Variants in RNF17 observed in about 807,000 individuals in gnomAD.
The protein encoded by RNF17 is spermatogenesis associated 23.
RNF17 carries 31 observed loss-of-function variants against 200.5 expected under a neutral mutation model. That is an observed-to-expected ratio of 0.15 (90% CI 0.12 to 0.21). RNF17 has a LOEUF of 0.21. RNF17 is among the 10% of genes least tolerant of loss of function. The pLI, the probability that RNF17 is intolerant of heterozygous loss-of-function variation, is 1.00. For synonymous variants in RNF17, 606 were observed against 637.8 expected, an observed-to-expected ratio of 0.95 and a Z score of 0.75; for missense variants, 1,628 against 1,905.1, an observed-to-expected ratio of 0.85 and a Z score of 2.71.
chr13:24,786,910 C>T (rs1342870551), intron 6 of RNF17, among the ~76,000 whole-genome samples: 1 of 152,064 alleles, frequency 6.6e-6, no homozygotes, highest in East Asian at 1.9e-4. Context: ...ATTTCTGTCT[C>T]TTTGTCTCTC....
chr13:24,878,304 A>C (rs1332696369), intron 34 of RNF17, among the ~76,000 whole-genome samples: 1 of 152,238 alleles, frequency 6.6e-6, no homozygotes, highest in Non-Finnish European at 1.5e-5. Context: ...CTCTCAACCC[A>C]GTGAAAAAAG....
intron 15 of RNF17, among the ~76,000 whole-genome samples, chr13:24,820,456 G>A (rs976022078): frequency 6.7e-6 from 1 of 149,972 alleles, no homozygotes; most frequent in African/African-American, 2.4e-5. Context: ...TTATTTTTGA[G>A]ATGGAGTTTT....
chr13:24,796,009 G>A (rs188157516), intron 10 of RNF17, 128 bp from the exon 11 acceptor site: 167 of 543,192 alleles, frequency 3.1e-4, no homozygotes, highest in African/African-American at 2.7e-3. Context: ...TCCTGGGGCC[G>A]ACGTGCGATA....
At chr13:24,852,653 TGTGGC>T (rs1197683439) in intron 24 of RNF17, among the ~76,000 whole-genome samples, 1 of 152,176 alleles carries the variant, frequency 6.6e-6, no homozygotes, top group Non-Finnish European at 1.5e-5. Flanking sequence ...ATATGGGAGA[TGTGGC>T]CTGGATTGCC....
intron 30 of RNF17, 47 bp from the exon 31 acceptor site, chr13:24,868,553 G>A (rs201049815): frequency 1.2e-6 from 1 of 835,834 alleles, no homozygotes; most frequent in East Asian, 3.3e-5. Context: ...TAATGTAATA[G>A]ATTTTTGTCC....
rs781056885 is a variant in RNF17, at chr13:24,870,774, T to A, written c.4447+35T>A. On this transcript the variant is annotated intron_variant, in intron 32 of 35. Transcript: ENST00000255324. ...CTATATTTGAATGAAACAGGATACT[T>A]AATAAAACTTGGATTTTGTTTCAAT... 14 of 1,578,656 alleles carry A rather than the reference T, an allele frequency of 8.9e-6. No individual in the cohort carries two copies. The African/African-American group carries it at 1.8e-4, about 20-fold the overall frequency.
chr13:24,845,240 C>T (rs1891129628), intron 22 of RNF17, among the ~76,000 whole-genome samples, 161 bp downstream of exon 22: 1 of 151,952 alleles, frequency 6.6e-6, no homozygotes, highest in Non-Finnish European at 1.5e-5. Context: ...AATTTAGTGG[C>T]ATTAAGAAAT....
intron 15 of RNF17, among the ~76,000 whole-genome samples, chr13:24,811,588 T>C (rs1191227761): frequency 6.6e-6 from 1 of 152,164 alleles, no homozygotes; most frequent in African/African-American, 2.4e-5. Flanking sequence ...TTGGTTTGAA[T>C]GTCCTCCCGT....
chr13:24,880,952 G>A (rs1216591607), downstream of RNF17, among the ~76,000 whole-genome samples: 1 of 152,082 alleles, frequency 6.6e-6, no homozygotes, highest in Non-Finnish European at 1.5e-5. Flanking sequence ...TTATTAGCTA[G>A]TGACCATTCC....
intron 16 of RNF17, among the ~76,000 whole-genome samples, chr13:24,827,977 C>T (rs1036167630): frequency 1.3e-5 from 2 of 152,068 alleles, no homozygotes; most frequent in African/African-American, 4.8e-5. Context: ...AATCACCTCC[C>T]AAGTACTGCT....
rs537291665 is a variant in RNF17, at chr13:24,854,119, T to C, written c.3585T>C (p.Thr1195=). The C allele has an allele frequency of 1.2e-6, 2 of 1,613,560 alleles. No homozygotes were observed. The highest frequency in any genetic ancestry group is 3.3e-5 in the Admixed American group (2 of 59,982). The change falls in exon 25 of 36, where the codon ACT becomes ACC. Residue 1195 remains threonine (T), a synonymous_variant. Coordinates refer to ENST00000255324, the MANE Select transcript of RNF17 (RefSeq NM_031277.3). Reference sequence around the variant, plus strand: ...TCAGCTGTGTTGGTGATGATGGAACTATATTTGTAGTACCTAAACTATCAG... The same window carrying C: ...TCAGCTGTGTTGGTGATGATGGAACCATATTTGTAGTACCTAAACTATCAG... The part of the protein sequence containing the change: ...ATVSCVGDDG[T]IFVVPKLSEF...
chr13:24,877,068 A>C lies in RNF17; in HGVS notation c.4655A>C (p.Lys1552Thr), dbSNP rs369909356. 75 of 1,613,148 alleles carry C rather than the reference A, an allele frequency of 4.6e-5. No homozygotes were observed. The highest frequency in any genetic ancestry group is 5.7e-5 in the Non-Finnish European group (67 of 1,179,666). ...RAIKVLLAGFKPPLRDLGETR... is the reference protein window; with the variant it reads ...RAIKVLLAGFTPPLRDLGETR... The stretch of plus-strand genomic sequence containing the variant: ...ATAAAGGTTCTCTTGGCAGGGTTTA[A>C]ACCTCCCTTAAGGGATCTAGGGGAG... Residue 1552 changes from lysine (K) to threonine (T), a missense_variant, in exon 34 of 36, where the codon AAA becomes ACA. Around this residue, in one of 5 missense-constraint regions of RNF17, gnomAD observed 609 missense variants for 681.9 expected, o/e 0.89. Coordinates refer to ENST00000255324, the MANE Select transcript of RNF17 (RefSeq NM_031277.3).
chr13:24,871,075 T>C (rs144048114), intron 32 of RNF17, among the ~76,000 whole-genome samples: 1 of 152,314 alleles, frequency 6.6e-6, no homozygotes, highest in East Asian at 1.9e-4. Context: ...ACCTTAATGG[T>C]CATCATTTAA....
chr13:24,836,049 A>C (rs919312313), intron 18 of RNF17, among the ~76,000 whole-genome samples: 9 of 152,220 alleles, frequency 5.9e-5, no homozygotes, highest in Non-Finnish European at 1.0e-4. Context: ...AAGTAGAAGA[A>C]AGAAATTCAG....
At position 24,850,445 on chromosome 13, in the gene RNF17, T is replaced by C. The variant is rs80135321; in HGVS notation, c.3204+2T>C. The C allele has an allele frequency of 4.7e-3, 7,476 of 1,576,202 alleles. 255 individuals carry two copies. In the East Asian group the frequency reaches 0.1, roughly 21 times the overall value. ...ATAATCTTACAGGTGGATAGTGAGG[T>C]AACAAGTTACAAGAGATATGTGCTG... On this transcript the variant is annotated splice_donor_variant, in intron 23 of 35. Transcript: ENST00000255324. LOFTEE classifies it high-confidence loss of function.
chr13:24,849,862 G>A lies in RNF17; in HGVS notation c.3102-479G>A, dbSNP rs73162068. On this transcript the variant is annotated intron_variant, in intron 22 of 35. Transcript: ENST00000255324. ...TCCAAAGAACTTCCAAAGATGGGCA[G>A]TGGAATCATCATTACAAAGAGACTT... Among the ~76,000 whole-genome samples the A allele has an allele frequency of 3.3e-3, 506 of 152,296 alleles. 2 individuals are homozygous for A. Among genetic ancestry groups the A allele is most frequent in the Non-Finnish European group, 5.7e-3 (385 of 68,028 alleles).
intron 18 of RNF17, among the ~76,000 whole-genome samples, chr13:24,837,721 C>T (rs1467296870): frequency 1.3e-5 from 2 of 152,116 alleles, no homozygotes; most frequent in African/African-American, 4.8e-5. Flanking sequence ...CCTAGCCCTA[C>T]ATGCCCACAT....
In RNF17 at chr13:24,851,644, G is replaced by A. The variant is rs1350619197; in HGVS notation, c.3320+73G>A. The A allele has an allele frequency of 7.7e-5, 65 of 847,534 alleles. No individual in the cohort carries two copies. In the Admixed American group the frequency reaches 1.6e-3, roughly 21 times the overall value. 52.5% of individuals were successfully genotyped at this position (847,534 alleles called of 1,614,324 possible). A position where few individuals can be genotyped will look rare whatever the true frequency, so the allele number is the denominator to read the frequency against. The stretch of plus-strand genomic sequence containing the variant: ...TCAGTTGCGTGTGCAAATCTTATGT[G>A]TGCTTTCAAGTCTGAATTGCATCTT... On this transcript the variant is annotated intron_variant, in intron 24 of 35. Coordinates refer to ENST00000255324, the MANE Select transcript of RNF17 (RefSeq NM_031277.3).
intron 31 of RNF17, among the ~76,000 whole-genome samples, chr13:24,869,587 C>T (rs555415454): frequency 2.6e-5 from 4 of 152,150 alleles, no homozygotes; most frequent in Admixed American, 6.5e-5. Context: ...AAGACTCACT[C>T]ACATGGCACC....
Sources: gnomAD v4.1 joint callset for allele counts (sites outside exome capture counted in the v4.1 genomes callset) on GRCh38, gnomAD v4.1.1 for gene constraint, gnomAD v4.1.1 regional missense constraint, MANE v1.5 for transcripts, NCBI Gene and HGNC (gene_info 2026-07-23, HGNC 2026-07-21) for gene names.